The following ARL13B variants were observed in gnomAD, a reference collection of about 807,000 sequenced individuals.
ARL13B encodes the protein ADP-ribosylation factor-like protein 13B.
In ARL13B, 36 loss-of-function variants were observed where a neutral mutation model predicts 56.1. The ratio of observed to expected loss-of-function variants is 0.64; its 90% CI spans 0.49 to 0.85. The LOEUF is 0.85. ARL13B is among the 40% of genes least tolerant of loss of function. The pLI is 0.00. For synonymous variants in ARL13B, 178 were observed against 171.1 expected, an observed-to-expected ratio of 1.04 and a Z score of -0.32; for missense variants, 519 against 507.1, an observed-to-expected ratio of 1.02 and a Z score of -0.23.
intron 8 of ARL13B, 44 bp downstream of exon 8, chr3:94,049,566 A>C: frequency 8.2e-7 from 1 of 1,222,184 alleles, no homozygotes; most frequent in Non-Finnish European, 1.1e-6. Context: ...ATATTGCTTT[A>C]AACAACAGAG....
At chr3:94,036,442 ATTAAC>A (rs2076769167) in intron 4 of ARL13B, 105 bp from the exon 5 acceptor site, 5 of 1,109,300 alleles carry the variant, frequency 4.5e-6, no homozygotes, top group Non-Finnish European at 6.7e-6. Context: ...GCTTCATATT[ATTAAC>A]TTAAATGGCT....
intron 3 of ARL13B, among the ~76,000 whole-genome samples, chr3:94,021,438 GC>G (rs2076447122): frequency 6.6e-6 from 1 of 151,892 alleles, no homozygotes; most frequent in Non-Finnish European, 1.5e-5. Context: ...CAAGTGATCT[GC>G]CCGCCTCAGC....
chr3:94,003,694 T>C lies in ARL13B; in HGVS notation c.166T>C (p.Ser56Pro). ...PEDVAPTVGF[S>P]KINLRQGKFE... is the part of the protein sequence containing the mutation. ...AGATGTAGCTCCTACTGTTGGATTT[T>C]CAAAAATTAACCTTAGACAAGGAAA... The change falls in exon 3 of 10, where the codon TCA becomes CCA. Residue 56 changes from serine to proline, a missense_variant. Coordinates refer to ENST00000394222, the MANE Select transcript of ARL13B (RefSeq NM_001174150.2). 1 of 1,613,556 alleles carries C rather than the reference T, an allele frequency of 6.2e-7. No individual in the cohort carries two copies. The highest frequency in any genetic ancestry group is 8.5e-7 in the Non-Finnish European group (1 of 1,179,614).
intron 1 of ARL13B, among the ~76,000 whole-genome samples, chr3:93,991,631 A>G (rs1232322012): frequency 2.0e-5 from 3 of 152,230 alleles, no homozygotes; most frequent in African/African-American, 7.2e-5. Context: ...TCAGCCCCGC[A>G]GAGTGCTGGG....
chr3:94,035,752 C>T lies in ARL13B; in HGVS notation c.486+316C>T, dbSNP rs564553768. 1.7e-4 allele frequency among the ~76,000 whole-genome samples: 26 copies of T among 152,202 alleles called. No homozygotes were observed. The East Asian group carries it at 3.5e-3, about 20-fold the overall frequency. On this transcript the variant is annotated intron_variant, in intron 4 of 9. Coordinates refer to ENST00000394222, the MANE Select transcript of ARL13B (RefSeq NM_001174150.2). ...GAAAAGTGTAAATACAAAATTTAAA[C>T]ATATGAGAGATTCATAATGAATTTT...
At chr3:94,045,719 T>G (rs1421786238) in intron 7 of ARL13B, among the ~76,000 whole-genome samples, 1 of 151,344 alleles carries the variant, frequency 6.6e-6, no homozygotes, top group Non-Finnish European at 1.5e-5. Context: ...TCCCGACACT[T>G]TGGGAGGCTG....
intron 1 of ARL13B, among the ~76,000 whole-genome samples, chr3:93,984,530 A>G (rs991833964): frequency 6.6e-6 from 1 of 152,048 alleles, no homozygotes; most frequent in African/African-American, 2.4e-5. Context: ...AGAGGTGGAA[A>G]TGGAGGCTGG....
chr3:93,981,210 C>A (rs1020655394), intron 1 of ARL13B, among the ~76,000 whole-genome samples: 2 of 152,140 alleles, frequency 1.3e-5, no homozygotes, highest in African/African-American at 4.8e-5. Context: ...TAAGACAATA[C>A]CTTGTGCCAG....
chr3:94,028,474 C>G (rs982791032), intron 3 of ARL13B: 1 of 152,226 alleles, frequency 6.6e-6, no homozygotes, highest in Non-Finnish European at 1.5e-5. Context: ...ATCTAAATCT[C>G]TGTCTTATAG....
intron 1 of ARL13B, among the ~76,000 whole-genome samples, chr3:93,993,363 G>A (rs1181333403): frequency 1.3e-5 from 2 of 152,052 alleles, no homozygotes; most frequent in Admixed American, 1.3e-4. Context: ...TGAGCTCAAA[G>A]TGATCTGCCC....
intron 3 of ARL13B, among the ~76,000 whole-genome samples, chr3:94,017,888 T>C (rs1287587642): frequency 6.6e-6 from 1 of 152,082 alleles, no homozygotes; most frequent in East Asian, 1.9e-4. Context: ...TAGAAAGGAA[T>C]GAGAGGAGTA....
chr3:94,004,072 T>A (rs1043119356), intron 3 of ARL13B, among the ~76,000 whole-genome samples, 164 bp downstream of exon 3: 9 of 152,102 alleles, frequency 5.9e-5, no homozygotes, highest in Non-Finnish European at 8.8e-5. Flanking sequence ...CTTGTTATAG[T>A]GCTGTCTATA....
chr3:93,996,550 CTT>C (rs1559971813), intron 2 of ARL13B: 1 of 257,800 alleles, frequency 3.9e-6, no homozygotes, highest in African/African-American at 2.4e-5. Context: ...TTTATTAGGT[CTT>C]TTTTTGGTAG....
intron 1 of ARL13B, among the ~76,000 whole-genome samples, chr3:93,987,085 T>C (rs1385199320): frequency 6.6e-6 from 1 of 152,202 alleles, no homozygotes; most frequent in African/African-American, 2.4e-5. Flanking sequence ...GATAATGTCA[T>C]TCAGGAAAGA....
chr3:94,008,040 A>G (rs1016423861), intron 3 of ARL13B, among the ~76,000 whole-genome samples: 4 of 152,200 alleles, frequency 2.6e-5, no homozygotes, highest in Non-Finnish European at 5.9e-5. Context: ...TGCCTCTTCT[A>G]TAATAAAAGT....
At chr3:93,992,447 C>A (rs1388647323) in intron 1 of ARL13B, among the ~76,000 whole-genome samples, 1 of 152,114 alleles carries the variant, frequency 6.6e-6, no homozygotes, top group Non-Finnish European at 1.5e-5. Context: ...CCACTGCTTC[C>A]CCTAATTTAT....
Position 94,042,998 on chromosome 3 carries a change from A to C in ARL13B, c.799-17A>C. On this transcript the variant is annotated splice_polypyrimidine_tract_variant and intron_variant, in intron 6 of 9. Transcript: ENST00000394222. ...AAAACCATCATAGTAAAGATAATGT[A>C]TTTTATTTTTTGTTAGAATGAAGGA... is the stretch of plus-strand genomic sequence containing the variant. 1.3e-6 allele frequency: 2 copies of C among 1,569,382 alleles called. No individual in the cohort carries two copies. Among genetic ancestry groups the C allele is most frequent in the Non-Finnish European group, 1.7e-6 (2 of 1,150,190 alleles).
chr3:94,022,799 G>A (rs1184944769), intron 3 of ARL13B, among the ~76,000 whole-genome samples: 1 of 151,910 alleles, frequency 6.6e-6, no homozygotes, highest in Non-Finnish European at 1.5e-5. Flanking sequence ...ATACATCCAT[G>A]TAACTACCAC....
chr3:94,049,316 A>C, intron 7 of ARL13B, 90 bp from the exon 8 acceptor site: 1 of 704,238 alleles, frequency 1.4e-6, no homozygotes, highest in Non-Finnish European at 2.4e-6. Flanking sequence ...TTTGTTAATA[A>C]TATCAGTATT....
Sources: allele counts gnomAD v4.1 joint callset (sites outside exome capture counted in the v4.1 genomes callset), GRCh38; gene constraint gnomAD v4.1.1; transcripts MANE v1.5; gene names NCBI Gene and HGNC (gene_info 2026-07-23, HGNC 2026-07-21).